SYNE1: variants seen among roughly 807,000 people sequenced by gnomAD.
SYNE1 encodes the protein spectrin repeat containing nuclear envelope protein 1, also known as nesprin-1.
In SYNE1, 616 loss-of-function variants were observed where a neutral mutation model predicts 1,111.0. That is an observed-to-expected ratio of 0.55 (90% confidence interval 0.52 to 0.59). The LOEUF (loss-of-function observed/expected upper bound fraction) is 0.59. Among genes scored for constraint, SYNE1 ranks in the 20% least tolerant of loss-of-function variants. The pLI is 0.00. For missense variants in SYNE1, 10,006 were observed against 10,417.0 expected (o/e 0.96, Z 1.72); for synonymous variants, 3,855 against 3,825.8 (o/e 1.01, Z -0.28).
chr6:152,167,892 A>T, intron 130 of SYNE1: 1 of 744,230 alleles, frequency 1.3e-6, no homozygotes, highest in South Asian at 1.4e-5. Flanking sequence ...AATAAAGTCC[A>T]TTAACCTTTT....
intron 3 of SYNE1, among the ~76,000 whole-genome samples, chr6:152,579,865 T>C (rs1247573969): frequency 6.6e-6 from 1 of 152,214 alleles, no homozygotes; most frequent in Non-Finnish European, 1.5e-5. Context: ...ATTCTTGTTA[T>C]GGCTGTGTAT....
intron 145 of SYNE1, among the ~76,000 whole-genome samples, chr6:152,123,133 T>C (rs189085238): frequency 7.3e-4 from 111 of 152,378 alleles, no homozygotes; most frequent in African/African-American, 2.3e-3. Flanking sequence ...CTAGCCATCC[T>C]GGATATGCCA....
rs77677302 is a variant in SYNE1 at position 152,489,234 on chromosome 6, G to C, written c.940-731C>G. On this transcript the variant is annotated intron_variant, in intron 11 of 145. Coordinates refer to ENST00000367255, the MANE Select transcript of SYNE1 (RefSeq NM_182961.4). The stretch of plus-strand genomic sequence containing the variant: ...TTCATCAAGATGTAGTGTCTCATAA[G>C]AATGCCAAGTATTCATAATCATACC... 5.1e-3 allele frequency among the ~76,000 whole-genome samples: 784 copies of C among 152,248 alleles called. 8 individuals are homozygous for C. Among genetic ancestry groups the C allele is most frequent in the African/African-American group, 0.018 (731 of 41,550 alleles).
intron 100 of SYNE1, among the ~76,000 whole-genome samples, chr6:152,264,772 C>A (rs1324684171): frequency 3.9e-5 from 6 of 152,070 alleles, no homozygotes; most frequent in Non-Finnish European, 7.4e-5. Flanking sequence ...TGCACTCCAG[C>A]CTGGGTGACA....
rs903081817 is a variant in SYNE1, at chr6:152,164,244, G to A, written c.23709C>T (p.His7903=). Residue 7903 remains histidine (H), a synonymous_variant, in exon 131 of 146, where the codon CAC becomes CAT. Transcript: ENST00000367255. The part of the protein sequence containing the change: ...NMSSLRTWLA[H]IESELAKPIV... ...TTGGCTTGGCCAGCTCTGACTCGATGTGAGCGAGCCAGGTCCTCAGGCTGC... is the reference window on the plus strand; with the variant it reads ...TTGGCTTGGCCAGCTCTGACTCGATATGAGCGAGCCAGGTCCTCAGGCTGC... 4.3e-6 allele frequency: 7 copies of A among 1,614,052 alleles called. No individual in the cohort carries two copies. Among genetic ancestry groups the A allele is most frequent in the African/African-American group, 1.3e-5 (1 of 74,920 alleles).
intron 64 of SYNE1, among the ~76,000 whole-genome samples, chr6:152,361,956 A>G (rs1206968741): frequency 1.3e-5 from 2 of 152,138 alleles, no homozygotes; most frequent in East Asian, 1.9e-4. Context: ...ATGGATCTAC[A>G]TGGTTTTCCT....
At position 152,413,444 on chromosome 6, in the gene SYNE1, G is replaced by A. The variant is rs2098102314; in HGVS notation, c.6138C>T (p.Ala2046=). The A allele has an allele frequency of 6.2e-7, 1 of 1,614,022 alleles. No homozygotes were observed. Among genetic ancestry groups the A allele is most frequent in the Non-Finnish European group, 8.5e-7 (1 of 1,179,992 alleles). ...CAGGTGCAAAAGCTACATCTTTCTG[G>A]GCAATTTGCTTGGCTTTGTCTTTCA... ...CWLKDKAKQI[A]QKDVAFAPEV... Residue 2046 remains alanine (A), a synonymous_variant, in exon 42 of 146, where the codon GCC becomes GCT. Coordinates refer to ENST00000367255, the MANE Select transcript of SYNE1 (RefSeq NM_182961.4).
At chr6:152,311,210 T>G (rs2095536131) in intron 87 of SYNE1, 1 of 307,050 alleles carries the variant, frequency 3.3e-6, no homozygotes, top group Admixed American at 4.5e-5. Flanking sequence ...ACATACTAGG[T>G]GTCTTATTTG....
At chr6:152,422,819 A>C (rs2154191394) in intron 39 of SYNE1, among the ~76,000 whole-genome samples, 1 of 152,344 alleles carries the variant, frequency 6.6e-6, no homozygotes, top group African/African-American at 2.4e-5. Context: ...TCTATCAAAC[A>C]AACTTTAACA....
At chr6:152,196,747 G>A (rs2153308615) in intron 127 of SYNE1, among the ~76,000 whole-genome samples, 1 of 152,066 alleles carries the variant, frequency 6.6e-6, no homozygotes, top group South Asian at 2.1e-4. Context: ...GGGGTTGGGG[G>A]AGGATTGGCA....
intron 5 of SYNE1, among the ~76,000 whole-genome samples, chr6:152,525,447 G>A (rs2099159265): frequency 6.6e-6 from 1 of 152,084 alleles, no homozygotes; most frequent in Admixed American, 6.6e-5. Flanking sequence ...ACTACTTAAT[G>A]CTCTACTACT....
At chr6:152,237,305 ACTT>A (rs2084385616) in intron 108 of SYNE1, among the ~76,000 whole-genome samples, 1 of 109,414 alleles carries the variant, frequency 9.1e-6, no homozygotes, top group Admixed American at 1.2e-4. Flanking sequence ...TTGGGTATGC[ACTT>A]TTTTTTTTTT....
chr6:152,163,172 A>G (rs942816393), intron 131 of SYNE1, among the ~76,000 whole-genome samples: 1 of 152,202 alleles, frequency 6.6e-6, no homozygotes, highest in Non-Finnish European at 1.5e-5. Context: ...AGTGTTTGCT[A>G]TTGGCAACTG....
At chr6:152,496,189 C>A (rs1463693922) in intron 11 of SYNE1, among the ~76,000 whole-genome samples, 1 of 152,152 alleles carries the variant, frequency 6.6e-6, no homozygotes, top group Non-Finnish European at 1.5e-5. Context: ...ACCAACACTT[C>A]ACCACTATTT....
At chr6:152,473,355 A>T (rs992939540) in intron 14 of SYNE1, among the ~76,000 whole-genome samples, 1 of 152,236 alleles carries the variant, frequency 6.6e-6, no homozygotes. Context: ...TTAGCAAATT[A>T]GAGAAATTAG....
At position 152,472,391 on chromosome 6, in the gene SYNE1, G is replaced by C; in HGVS notation, c.1373C>G (p.Ala458Gly). 6.2e-7 allele frequency: 1 copy of C among 1,613,704 alleles called. No homozygotes were observed. Among genetic ancestry groups the C allele is most frequent in the African/African-American group, 1.3e-5 (1 of 74,898 alleles). ...QHKDLLQNTD[A>G]HKRAFHEIYR... ...GATTTCATGGAATGCTCTTTTGTGG[G>C]CATCCGTGTTTTGAAGCAGATCCTA... Residue 458 changes from alanine (A) to glycine (G), a missense_variant, in exon 15 of 146, where the codon GCC (alanine) becomes GGC (glycine). Coordinates refer to ENST00000367255, the MANE Select transcript of SYNE1 (RefSeq NM_182961.4).
intron 113 of SYNE1, among the ~76,000 whole-genome samples, 179 bp downstream of exon 113, chr6:152,231,937 G>A (rs573463787): frequency 6.6e-6 from 1 of 151,680 alleles, no homozygotes; most frequent in Admixed American, 6.6e-5. Flanking sequence ...TCCTAGTACT[G>A]GATATTTCTT....
intron 142 of SYNE1, 82 bp downstream of exon 142, chr6:152,135,022 T>A: frequency 6.3e-7 from 1 of 1,590,752 alleles, no homozygotes; most frequent in Non-Finnish European, 8.6e-7. Flanking sequence ...GAAACAACAC[T>A]TACCACTTAT....
At chr6:152,277,929 G>C (rs1244471444) in intron 98 of SYNE1, 160 bp downstream of exon 98, 13 of 829,908 alleles carry the variant, frequency 1.6e-5, no homozygotes, top group Non-Finnish European at 2.7e-5. Flanking sequence ...CAAAGTCCAA[G>C]AGTGTAAACT....
Sources: allele counts gnomAD v4.1 joint callset (sites outside exome capture counted in the v4.1 genomes callset), GRCh38; gene constraint gnomAD v4.1.1; transcripts MANE v1.5; gene names NCBI Gene and HGNC (gene_info 2026-07-23, HGNC 2026-07-21).